Variants in CFAP54 observed in about 807,000 individuals in gnomAD.
CFAP54 encodes the protein cilia and flagella associated protein 54.
Under a neutral mutation model 370.4 loss-of-function variants are expected in CFAP54, and 290 were observed. That is an observed-to-expected ratio of 0.78 (90% CI 0.71 to 0.86). CFAP54 has a LOEUF of 0.86. Among genes scored for constraint, CFAP54 ranks in the 40% least tolerant of loss-of-function variants. The pLI is 0.00. For missense variants in CFAP54, 3,399 were observed against 3,528.7 expected (o/e 0.96, Z 0.93); for synonymous variants, 1,206 against 1,236.5 (o/e 0.98, Z 0.52).
intron 17 of CFAP54, among the ~76,000 whole-genome samples, chr12:96,557,783 CTTA>C (rs1434062066): frequency 2.0e-5 from 3 of 151,640 alleles, no homozygotes; most frequent in South Asian, 2.1e-4. Context: ...ATTCTTAAGG[CTTA>C]TTATATATTA....
chr12:96,600,184 A>G (rs1427422041), intron 26 of CFAP54, among the ~76,000 whole-genome samples: 1 of 152,126 alleles, frequency 6.6e-6, no homozygotes. Context: ...TGTAAGGTGT[A>G]AGGAAGGAAT....
chr12:96,815,781 G>A (rs1958968686), intron 64 of CFAP54, among the ~76,000 whole-genome samples: 1 of 152,154 alleles, frequency 6.6e-6, no homozygotes, highest in Non-Finnish European at 1.5e-5. Context: ...TCTGCATATA[G>A]CTAGCCAGTT....
chr12:96,587,948 G>T (rs1326660552), intron 22 of CFAP54, among the ~76,000 whole-genome samples: 1 of 152,116 alleles, frequency 6.6e-6, no homozygotes, highest in Middle Eastern at 3.2e-3. Context: ...ACTTTTCAAT[G>T]TTCTGGTTTC....
chr12:96,862,526 AGGAATGAGT>A (rs889376826), intron 67 of CFAP54, among the ~76,000 whole-genome samples: 1 of 152,192 alleles, frequency 6.6e-6, no homozygotes, highest in Non-Finnish European at 1.5e-5. Context: ...GAAGAATGAA[AGGAATGAGT>A]GGAATGAATG....
At chr12:96,607,933 C>A (rs1052574821) in intron 26 of CFAP54, among the ~76,000 whole-genome samples, 2 of 151,924 alleles carry the variant, frequency 1.3e-5, no homozygotes, top group Non-Finnish European at 2.9e-5. Flanking sequence ...TAAACATTTT[C>A]AGAAGTGCGG....
In CFAP54 at chr12:96,650,087, C is replaced by G. The variant is rs770664000; in HGVS notation, c.4872+15C>G. 6.3e-7 allele frequency: 1 copy of G among 1,595,838 alleles called. No homozygotes were observed. The highest frequency in any genetic ancestry group is 1.8e-5 in the Admixed American group (1 of 56,958). ...GGAGAGCAATGGTAATGCAATCTTT[C>G]TTGTTTGCAGTGTAGTAGACATAAA... On this transcript the variant is annotated intron_variant, in intron 35 of 67. Coordinates refer to ENST00000524981, the MANE Select transcript of CFAP54 (RefSeq NM_001306084.2).
intron 14 of CFAP54, among the ~76,000 whole-genome samples, chr12:96,541,712 A>G (rs1415736930): frequency 6.6e-6 from 1 of 152,158 alleles, no homozygotes; most frequent in Admixed American, 6.5e-5. Context: ...CATCTGACAC[A>G]GCGCAGGAGA....
intron 64 of CFAP54, among the ~76,000 whole-genome samples, chr12:96,812,528 C>A (rs1478227191): frequency 6.6e-6 from 1 of 152,148 alleles, no homozygotes; most frequent in African/African-American, 2.4e-5. Context: ...GCCTCCATTT[C>A]CTCCATTGTA....
Position 96,757,566 on chromosome 12 carries a change from C to T in CFAP54, c.8018C>T (p.Ser2673Leu), listed in dbSNP as rs771701442. Residue 2673 changes from serine (S) to leucine (L), a missense_variant, in exon 58 of 68, where the codon TCA becomes TTA. Ser to Leu is a moderately radical substitution (Grantham distance 145). Coordinates refer to ENST00000524981, the MANE Select transcript of CFAP54 (RefSeq NM_001306084.2). ...CTGAAGAAGCCAAAGATAAAAATTT[C>T]AGGATCACCATTAACACTTAAGGTA... The part of the protein sequence containing the change: ...FHLKKPKIKI[S>L]GSPLTLKPPL... The T allele has an allele frequency of 6.3e-7, 1 of 1,591,000 alleles. No individual in the cohort carries two copies. The highest frequency in any genetic ancestry group is 8.6e-7 in the Non-Finnish European group (1 of 1,163,556).
intron 1 of CFAP54, among the ~76,000 whole-genome samples, chr12:96,491,623 G>A: frequency 6.6e-6 from 1 of 152,146 alleles, no homozygotes; most frequent in Admixed American, 6.5e-5. Context: ...TTAAGTGCCT[G>A]GTGTACTAGA....
At position 96,540,894 on chromosome 12, in the gene CFAP54, A is replaced by G. The variant is rs1018709963; in HGVS notation, c.1984A>G (p.Ile662Val). 6.6e-7 allele frequency: 1 copy of G among 1,516,360 alleles called. No individual in the cohort carries two copies. Among genetic ancestry groups the G allele is most frequent in the Non-Finnish European group, 8.8e-7 (1 of 1,138,296 alleles). 93.9% of individuals were successfully genotyped at this position (1,516,360 alleles called of 1,614,324 possible). A position where few individuals can be genotyped will look rare whatever the true frequency, so the allele number is the denominator to read the frequency against. The change falls in exon 14 of 68, where the codon ATT becomes GTT. Residue 662 changes from isoleucine (I) to valine (V), a missense_variant. By Grantham distance (29) the Ile-to-Val change is conservative. Coordinates refer to ENST00000524981, the MANE Select transcript of CFAP54 (RefSeq NM_001306084.2). ...EVIHCYKMED[I>V]DIVVVAEVTL... Reference sequence around the variant, plus strand: ...AATTCACTGCTATAAAATGGAAGACATTGACATTGTGGTAGTGGCAGAAGT... The same window carrying G: ...AATTCACTGCTATAAAATGGAAGACGTTGACATTGTGGTAGTGGCAGAAGT...
chr12:96,849,004 C>T (rs747862945), intron 66 of CFAP54, among the ~76,000 whole-genome samples: 12 of 152,140 alleles, frequency 7.9e-5, no homozygotes, highest in Non-Finnish European at 1.3e-4. Context: ...ATATCTAGGT[C>T]CCTCTCATCT....
Position 96,564,780 on chromosome 12 carries a change from T to A in CFAP54, c.2619+15T>A, listed in dbSNP as rs375190252. ...AACTTTTGATGGTAACAGTATTTCA[T>A]TTCTTCTTTTAATCCTGACATAAAA... is the stretch of plus-strand genomic sequence containing the variant. On this transcript the variant is annotated intron_variant, in intron 19 of 67. Coordinates refer to ENST00000524981, the MANE Select transcript of CFAP54 (RefSeq NM_001306084.2). The A allele has an allele frequency of 1.7e-6, 1 of 581,648 alleles. No homozygotes were observed. The highest frequency in any genetic ancestry group is 3.0e-6 in the Non-Finnish European group (1 of 333,436). 36.0% of individuals were successfully genotyped at this position (581,648 alleles called of 1,614,324 possible).
At chr12:96,696,912 TG>T (rs1957444286) in intron 45 of CFAP54, among the ~76,000 whole-genome samples, 1 of 152,166 alleles carries the variant, frequency 6.6e-6, no homozygotes, top group African/African-American at 2.4e-5. Context: ...TAACATGCAA[TG>T]ATGCTTCCTG....
chr12:96,496,136 C>A (rs1227571354), intron 1 of CFAP54, among the ~76,000 whole-genome samples: 1 of 152,100 alleles, frequency 6.6e-6, no homozygotes, highest in Non-Finnish European at 1.5e-5. Flanking sequence ...ATATATTTTT[C>A]TACCTAAATA....
intron 45 of CFAP54, among the ~76,000 whole-genome samples, chr12:96,699,372 C>A (rs1378372631): frequency 2.6e-5 from 4 of 152,128 alleles, no homozygotes; most frequent in Non-Finnish European, 4.4e-5. Flanking sequence ...TTCCTTCAGT[C>A]CCTATTCTCC....
In CFAP54 at chr12:96,592,635, C is replaced by T. The variant is rs1485718351; in HGVS notation, c.3358C>T (p.Gln1120Ter). ...IKGNEIFPSQ[Q>*]IARLIECERV... is the part of the protein sequence containing the mutation. ...AGGCAATGAGATTTTCCCATCTCAACAAGTAAGTGAATTAAAGTGACTAAA... is the reference window on the plus strand; with the variant it reads ...AGGCAATGAGATTTTCCCATCTCAATAAGTAAGTGAATTAAAGTGACTAAA... The change falls in exon 24 of 68, where the codon CAA (glutamine) becomes TAA (stop). Residue 1120 changes from glutamine (Q) to a stop codon, truncating the protein, a stop_gained and splice_region_variant. Coordinates refer to ENST00000524981, the MANE Select transcript of CFAP54 (RefSeq NM_001306084.2). LOFTEE classifies it high-confidence loss of function. 1 of 1,103,790 alleles carries T rather than the reference C, an allele frequency of 9.1e-7. No homozygotes were observed. Among genetic ancestry groups the T allele is most frequent in the Non-Finnish European group, 1.2e-6 (1 of 826,064 alleles). 68.4% of individuals were successfully genotyped at this position (1,103,790 alleles called of 1,614,324 possible). A position where few individuals can be genotyped will look rare whatever the true frequency, so the allele number is the denominator to read the frequency against.
Position 96,581,142 on chromosome 12 carries a change from T to C in CFAP54, c.3075+37T>C, listed in dbSNP as rs551381578. The stretch of plus-strand genomic sequence containing the variant: ...TTCTGCTAATTTTTTCCACTGTGTT[T>C]TTTTTTCCATTAAGCAGTTATGAAG... On this transcript the variant is annotated intron_variant, in intron 22 of 67. Coordinates refer to ENST00000524981, the MANE Select transcript of CFAP54 (RefSeq NM_001306084.2). The C allele has an allele frequency of 1.6e-5, 22 of 1,338,846 alleles. No homozygotes were observed. In the African/African-American group the frequency reaches 3.2e-4, roughly 19 times the overall value. The allele number at this position is 1,338,846 out of a possible 1,614,324, so 82.9% of individuals were successfully genotyped here.
At chr12:96,801,733 TA>T (rs1288145740) in intron 63 of CFAP54, among the ~76,000 whole-genome samples, 1 of 152,164 alleles carries the variant, frequency 6.6e-6, no homozygotes, top group African/African-American at 2.4e-5. Context: ...GCTCAAGGAA[TA>T]CAAGTCACAG....
Sources: allele counts gnomAD v4.1 joint callset (sites outside exome capture counted in the v4.1 genomes callset), GRCh38; gene constraint gnomAD v4.1.1; transcripts MANE v1.5; gene names NCBI Gene and HGNC (gene_info 2026-07-23, HGNC 2026-07-21).